The following DPP10 variants were observed in gnomAD, a reference collection of about 807,000 sequenced individuals.
DPP10 encodes dipeptidyl peptidase like 10.
In DPP10, 33 loss-of-function variants were observed where a neutral mutation model predicts 120.9. The observed-to-expected ratio is 0.27, with a 90% CI of 0.21 to 0.37. The LOEUF is 0.37. DPP10 is among the 10% of genes least tolerant of loss of function. The probability of loss-of-function intolerance (pLI) is 1.00; values close to 1 mark genes in which losing one functional copy is unlikely to be tolerated. For missense variants in DPP10, 816 were observed against 942.8 expected (o/e 0.87, Z 1.76); for synonymous variants, 337 against 326.1 (o/e 1.03, Z -0.36).
rs566481155 is a variant in DPP10 at position 115,670,611 on chromosome 2, C to T, written c.442-19076C>T. On this transcript the variant is annotated intron_variant, in intron 5 of 25. Transcript: ENST00000410059. ...GAATCTTCTTTTGCAACTAACTTTACTTTTAAGCTGTTTTATGCTGAGATA... is the reference window on the plus strand; with the variant it reads ...GAATCTTCTTTTGCAACTAACTTTATTTTTAAGCTGTTTTATGCTGAGATA... Among the ~76,000 whole-genome samples the T allele has an allele frequency of 6.6e-5, 10 of 152,234 alleles. No individual in the cohort carries two copies. In the South Asian group the frequency reaches 2.1e-3, roughly 32 times the overall value.
intron 3 of DPP10, among the ~76,000 whole-genome samples, chr2:115,450,612 G>A (rs190356485): frequency 2.6e-5 from 4 of 151,994 alleles, no homozygotes; most frequent in East Asian, 1.9e-4. Context: ...CTCTTTCATC[G>A]TGACTTTAGG....
chr2:115,543,808 A>G (rs1027201896), intron 5 of DPP10, among the ~76,000 whole-genome samples: 2 of 152,048 alleles, frequency 1.3e-5, no homozygotes, highest in African/African-American at 2.4e-5. Flanking sequence ...GAGCGTTAAC[A>G]TTTGATTGTT....
intron 15 of DPP10, among the ~76,000 whole-genome samples, chr2:115,779,125 C>G (rs1001484149): frequency 6.6e-6 from 1 of 152,008 alleles, no homozygotes; most frequent in African/African-American, 2.4e-5. Context: ...TCAAGTTCAG[C>G]AAATGGAACT....
At chr2:114,480,407 G>A (rs1573451016) in intron 1 of DPP10, among the ~76,000 whole-genome samples, 1 of 152,016 alleles carries the variant, frequency 6.6e-6, no homozygotes, top group Non-Finnish European at 1.5e-5. Flanking sequence ...ACATGCACAC[G>A]TATGTTTATT....
chr2:115,601,837 CTA>C (rs1244247335), intron 5 of DPP10, among the ~76,000 whole-genome samples: 33 of 113,614 alleles, frequency 2.9e-4, no homozygotes, highest in African/African-American at 1.4e-3. Flanking sequence ...CCATGCCTGG[CTA>C]TTTTTTTTTT....
At chr2:115,382,622 G>C (rs2066487732) in intron 3 of DPP10, among the ~76,000 whole-genome samples, 1 of 152,034 alleles carries the variant, frequency 6.6e-6, no homozygotes, top group South Asian at 2.1e-4. Context: ...AAGAAAATAG[G>C]TCTCTTCCTA....
intron 1 of DPP10, among the ~76,000 whole-genome samples, chr2:114,953,640 G>A (rs960987775): frequency 6.6e-6 from 1 of 152,026 alleles, no homozygotes; most frequent in Non-Finnish European, 1.5e-5. Flanking sequence ...TACAGCATGT[G>A]CATGTCATAT....
At chr2:114,670,639 C>T (rs1224070905) in intron 1 of DPP10, among the ~76,000 whole-genome samples, 1 of 152,024 alleles carries the variant, frequency 6.6e-6, no homozygotes, top group South Asian at 2.1e-4. Context: ...ATGTAACTAA[C>T]CTGCACATTG....
intron 1 of DPP10, among the ~76,000 whole-genome samples, chr2:115,214,803 C>T (rs890123921): frequency 1.3e-5 from 2 of 152,184 alleles, no homozygotes; most frequent in African/African-American, 4.8e-5. Flanking sequence ...TACCTCTCTT[C>T]CAACTGAGTT....
intron 3 of DPP10, among the ~76,000 whole-genome samples, chr2:115,413,553 A>G (rs2069125876): frequency 6.6e-6 from 1 of 152,154 alleles, no homozygotes; most frequent in South Asian, 2.1e-4. Flanking sequence ...TCATCAGGAT[A>G]ATATGTTCAA....
chr2:114,672,973 C>T (rs1478797738), intron 1 of DPP10, among the ~76,000 whole-genome samples: 1 of 152,170 alleles, frequency 6.6e-6, no homozygotes, highest in Non-Finnish European at 1.5e-5. Flanking sequence ...AAGGCCGTCT[C>T]AGCTCTAATA....
intron 3 of DPP10, among the ~76,000 whole-genome samples, chr2:115,470,600 G>A (rs2074647313): frequency 1.3e-5 from 2 of 152,162 alleles, no homozygotes; most frequent in Non-Finnish European, 2.9e-5. Flanking sequence ...TGTTTGTATG[G>A]ATTTGGGTTT....
chr2:115,578,105 A>C (rs568887180), intron 5 of DPP10, among the ~76,000 whole-genome samples: 1 of 152,276 alleles, frequency 6.6e-6, no homozygotes, highest in South Asian at 2.1e-4. Flanking sequence ...CACTTCTCAG[A>C]AACAAAAGCA....
intron 1 of DPP10, among the ~76,000 whole-genome samples, chr2:114,712,723 A>G (rs1701106482): frequency 6.6e-6 from 1 of 152,206 alleles, no homozygotes; most frequent in African/African-American, 2.4e-5. Context: ...GATATACATC[A>G]GCCATTACCC....
intron 1 of DPP10, among the ~76,000 whole-genome samples, chr2:114,919,719 CTATT>C (rs1695060246): frequency 6.6e-6 from 1 of 152,180 alleles, no homozygotes; most frequent in Non-Finnish European, 1.5e-5. Context: ...TCTTCAATAA[CTATT>C]ACAATCAACT....
intron 1 of DPP10, among the ~76,000 whole-genome samples, chr2:114,950,479 T>TA (rs1697703359): frequency 6.6e-6 from 1 of 151,448 alleles, no homozygotes; most frequent in Admixed American, 6.6e-5. Context: ...ATTTTTTTTT[T>TA]GTATTTTTAG....
At chr2:114,954,640 A>G (rs1698069801) in intron 1 of DPP10, among the ~76,000 whole-genome samples, 1 of 152,166 alleles carries the variant, frequency 6.6e-6, no homozygotes, top group Admixed American at 6.5e-5. Context: ...GAGACTAGAA[A>G]GACAAAGGAA....
chr2:114,888,387 G>T (rs139323702), intron 1 of DPP10, among the ~76,000 whole-genome samples: 1,829 of 151,960 alleles, frequency 0.012, 18 homozygotes, highest in Non-Finnish European at 0.021. Context: ...GAAGAAGAAG[G>T]TACAATTAAT....
chr2:115,774,095 T>C (rs759975576), intron 13 of DPP10, among the ~76,000 whole-genome samples: 1 of 152,038 alleles, frequency 6.6e-6, no homozygotes, highest in African/African-American at 2.4e-5. Context: ...AAAAGGATCA[T>C]TGAAGTAAAT....
Sources: gnomAD v4.1 joint callset for allele counts (sites outside exome capture counted in the v4.1 genomes callset) on GRCh38, gnomAD v4.1.1 for gene constraint, MANE v1.5 for transcripts, NCBI Gene and HGNC (gene_info 2026-07-23, HGNC 2026-07-21) for gene names.